Variants in SLC27A1 observed in about 807,000 individuals in gnomAD.
SLC27A1 encodes the protein solute carrier family 27 member 1, also known as long-chain fatty acid transport protein 1.
A neutral mutation model predicts 62.2 loss-of-function variants in SLC27A1; 61 were observed. That is an observed-to-expected ratio of 0.98 (90% CI 0.80 to 1.21). The LOEUF (loss-of-function observed/expected upper bound fraction) is 1.21. SLC27A1 is among the 50% of genes most tolerant of loss of function. The pLI is 0.00. For missense variants in SLC27A1, 903 were observed against 932.1 expected (o/e 0.97, Z 0.41); for synonymous variants, 435 against 408.6 (o/e 1.06, Z -0.78).
At chr19:17,490,359 G>T (rs1224611871) in intron 6 of SLC27A1, among the ~76,000 whole-genome samples, 1 of 151,926 alleles carries the variant, frequency 6.6e-6, no homozygotes, top group Non-Finnish European at 1.5e-5. Flanking sequence ...TCGCCATGTT[G>T]CCCAGGCTGG....
At chr19:17,470,270 G>A (rs2075060495), upstream of SLC27A1, among the ~76,000 whole-genome samples, 1 of 151,964 alleles carries the variant, frequency 6.6e-6, no homozygotes. Flanking sequence ...GCCAGGACCT[G>A]GCCAATCCCA....
At position 17,470,539 on chromosome 19, in the gene SLC27A1, G is replaced by A; in HGVS notation, c.-2G>A. Reference sequence around the variant, plus strand: ...GGCCTCAGCTCTCTCTGCTTCCCCAGGATGCGGGCTCCGGGTGCGGGCGCG... The same window carrying A: ...GGCCTCAGCTCTCTCTGCTTCCCCAAGATGCGGGCTCCGGGTGCGGGCGCG... On this transcript the variant is annotated 5_prime_UTR_variant, in exon 1 of 12. Transcript: ENST00000252595. 6.4e-7 allele frequency: 1 copy of A among 1,552,892 alleles called. No individual in the cohort carries two copies. The highest frequency in any genetic ancestry group is 8.6e-7 in the Non-Finnish European group (1 of 1,158,612).
rs144747772 is a variant in SLC27A1, at chr19:17,497,399, C to A, written c.1141C>A (p.Arg381Ser). ...WEEFTERFGV[R>S]QIGEFYGATE... is the part of the protein sequence containing the mutation. ...GGAGTTCACGGAGCGCTTCGGCGTA[C>A]GCCAAATCGGGGAGTTCTACGGCGC... Residue 381 changes from arginine (R) to serine (S), a missense_variant, in exon 7 of 12, where the codon CGC becomes AGC. By Grantham distance (110) the Arg-to-Ser change is moderately radical (BLOSUM62 -1). Coordinates refer to ENST00000252595, the MANE Select transcript of SLC27A1 (RefSeq NM_198580.3). 9.2e-5 allele frequency: 147 copies of A among 1,605,200 alleles called. No homozygotes were observed. Among genetic ancestry groups the A allele is most frequent in the Non-Finnish European group, 1.2e-4 (136 of 1,177,478 alleles).
chr19:17,472,166 A>G (rs1372451648), intron 1 of SLC27A1, among the ~76,000 whole-genome samples: 1 of 152,148 alleles, frequency 6.6e-6, no homozygotes, highest in Non-Finnish European at 1.5e-5. Flanking sequence ...AGGCCGAGGC[A>G]GGCAGATCAC....
At chr19:17,498,569 T>C in intron 7 of SLC27A1, 1 of 172,540 alleles carries the variant, frequency 5.8e-6, no homozygotes, top group Non-Finnish European at 1.2e-5. Context: ...CCCCACAGGG[T>C]CGGTGGGTTT....
chr19:17,500,222 C>T, intron 7 of SLC27A1, 56 bp from the exon 8 acceptor site: 1 of 1,587,524 alleles, frequency 6.3e-7, no homozygotes, highest in Non-Finnish European at 8.6e-7. Context: ...CAAAGTGTTA[C>T]TGAGAAGGAC....
chr19:17,482,584 A>G (rs1457724603), intron 1 of SLC27A1, among the ~76,000 whole-genome samples: 1 of 151,048 alleles, frequency 6.6e-6, no homozygotes, highest in African/African-American at 2.4e-5. Flanking sequence ...CCAGGAGGCA[A>G]ATGTTTCAGT....
In SLC27A1 at chr19:17,493,742, A is replaced by C. The variant is rs113410693; in HGVS notation, c.997-3513A>C. The stretch of plus-strand genomic sequence containing the variant: ...TGGGTTCAAGTGATTCCCCTCCCTC[A>C]GCCTCCTGAGTAGCTGGGATTACAG... On this transcript the variant is annotated intron_variant, in intron 6 of 11. Transcript: ENST00000252595. 2.9e-3 allele frequency among the ~76,000 whole-genome samples: 433 copies of C among 151,306 alleles called. 4 individuals are homozygous for C. The highest frequency in any genetic ancestry group is 9.9e-3 in the African/African-American group (409 of 41,204).
Position 17,501,298 on chromosome 19 carries a change from G to A in SLC27A1, c.1662G>A (p.Ala554=), listed in dbSNP as rs745737151. ...VPGVEGKAGM[A]AVADPHSLLD... The stretch of plus-strand genomic sequence containing the variant: ...GAGTGGAGGGTAAGGCAGGGATGGC[G>A]GCCGTCGCAGACCCCCACAGCCTGC... The change falls in exon 11 of 12, where the codon GCG becomes GCA. Residue 554 remains alanine, a synonymous_variant. Transcript: ENST00000252595. 2.7e-5 allele frequency: 43 copies of A among 1,613,542 alleles called. No homozygotes were observed. Among genetic ancestry groups the A allele is most frequent in the South Asian group, 1.2e-4 (11 of 91,070 alleles).
intron 2 of SLC27A1, 51 bp downstream of exon 2, chr19:17,487,008 G>C (rs1351341673): frequency 2.0e-6 from 3 of 1,537,564 alleles, no homozygotes; most frequent in South Asian, 1.2e-5. Flanking sequence ...ACTGGCCCCT[G>C]GGCGGGCGGG....
At chr19:17,487,935 C>G (rs2075253876) in intron 4 of SLC27A1, among the ~76,000 whole-genome samples, 1 of 152,052 alleles carries the variant, frequency 6.6e-6, no homozygotes, top group African/African-American at 2.4e-5. Context: ...CGGGCTCCTC[C>G]TGCTCCCCCC....
chr19:17,501,983 G>A (rs2144622197), intron 11 of SLC27A1, among the ~76,000 whole-genome samples: 1 of 151,348 alleles, frequency 6.6e-6, no homozygotes, highest in East Asian at 2.0e-4. Context: ...AGGCATGGTG[G>A]CATGCACTTG....
chr19:17,497,429 G>T lies in SLC27A1; in HGVS notation c.1171G>T (p.Glu391Ter). Reference protein sequence around the residue: ...RQIGEFYGATECNCSIANMDG... With the variant: ...RQIGEFYGAT ...AATCGGGGAGTTCTACGGCGCCACC[G>T]AGTGCAACTGCAGCATTGCCAACAT... The change falls in exon 7 of 12, where the codon GAG becomes TAG. Residue 391 changes from glutamate to a stop codon, truncating the protein, a stop_gained. Coordinates refer to ENST00000252595, the MANE Select transcript of SLC27A1 (RefSeq NM_198580.3). LOFTEE classifies it high-confidence loss of function. 1 of 1,606,334 alleles carries T rather than the reference G, an allele frequency of 6.2e-7. No homozygotes were observed. Among genetic ancestry groups the T allele is most frequent in the South Asian group, 1.1e-5 (1 of 89,932 alleles).
At chr19:17,469,442 CCTGCACGCCAACTAGGG>C (rs2075051929), upstream of SLC27A1, among the ~76,000 whole-genome samples, 1 of 152,018 alleles carries the variant, frequency 6.6e-6, no homozygotes, top group Non-Finnish European at 1.5e-5. Flanking sequence ...GGGTAGAGAT[CCTGCACGCCAACTAGGG>C]CTCGGGTCCT....
chr19:17,500,598 C>T lies in SLC27A1; in HGVS notation c.1437C>T (p.Ser479=), dbSNP rs769121560. 4.0e-5 allele frequency: 65 copies of T among 1,613,588 alleles called. No individual in the cohort carries two copies. Among genetic ancestry groups the T allele is most frequent in the Non-Finnish European group, 3.4e-5 (40 of 1,179,970 alleles). The part of the protein sequence containing the change: ...ESATSKKIAH[S]VFSKGDSAYL... The stretch of plus-strand genomic sequence containing the variant: ...CCACCAGCAAGAAGATCGCCCACAG[C>T]GTCTTCAGCAAGGGCGACAGCGCCT... Residue 479 remains serine (S), a synonymous_variant, in exon 9 of 12, where the codon AGC becomes AGT. Coordinates refer to ENST00000252595, the MANE Select transcript of SLC27A1 (RefSeq NM_198580.3).
intron 1 of SLC27A1, among the ~76,000 whole-genome samples, chr19:17,477,522 G>A (rs1170718307): frequency 2.0e-5 from 3 of 150,590 alleles, no homozygotes; most frequent in Admixed American, 6.7e-5. Flanking sequence ...GGGATTACAG[G>A]CATGACCCAC....
chr19:17,497,663 G>C (rs1839896840), intron 7 of SLC27A1, 199 bp downstream of exon 7: 1 of 633,580 alleles, frequency 1.6e-6, no homozygotes, highest in Non-Finnish European at 2.8e-6. Flanking sequence ...AGCCTGCACA[G>C]ATAGTCATGT....
chr19:17,471,305 G>GT (rs1427478165), intron 1 of SLC27A1, among the ~76,000 whole-genome samples: 2 of 152,090 alleles, frequency 1.3e-5, no homozygotes, highest in African/African-American at 4.8e-5. Flanking sequence ...CTGGGGCACT[G>GT]TTTGAGATTT....
chr19:17,475,069 C>T (rs1308811381), intron 1 of SLC27A1, among the ~76,000 whole-genome samples: 1 of 152,020 alleles, frequency 6.6e-6, no homozygotes, highest in Non-Finnish European at 1.5e-5. Context: ...TGCCTGCCAC[C>T]ACACCCGGAT....
Sources: gnomAD v4.1 joint callset for allele counts (sites outside exome capture counted in the v4.1 genomes callset) on GRCh38, gnomAD v4.1.1 for gene constraint, MANE v1.5 for transcripts, NCBI Gene and HGNC (gene_info 2026-07-23, HGNC 2026-07-21) for gene names.